Variants in GCKR observed in about 807,000 individuals in gnomAD.
GCKR encodes the protein glucokinase regulatory protein.
GCKR carries 73 observed loss-of-function variants against 82.9 expected under a neutral mutation model. That is an observed-to-expected ratio of 0.88 (90% CI 0.73 to 1.07). The LOEUF (loss-of-function observed/expected upper bound fraction) is 1.07, where lower values mean the gene tolerates loss of function less well. Ranked by LOEUF, GCKR falls within the 50% of genes least tolerant of loss-of-function variation. The pLI, the probability that GCKR is intolerant of heterozygous loss-of-function variation, is 0.00. For synonymous variants in GCKR, 294 were observed against 291.8 expected, an observed-to-expected ratio of 1.01 and a Z score of -0.08; for missense variants, 784 against 782.1, an observed-to-expected ratio of 1.00 and a Z score of -0.03.
rs758214858 is a variant in GCKR at position 27,506,832 on chromosome 2, T to C, written c.1013T>C (p.Leu338Pro). ...GTGTACCTGGTTGGCTGGCAGACCC[T>C]GGGCATCATTGCCATCATGGATGGA... Reference protein sequence around the residue: ...GHVYLVGWQTLGIIAIMDGVE... With the variant: ...GHVYLVGWQTPGIIAIMDGVE... Residue 338 changes from leucine (L) to proline (P), a missense_variant, in exon 12 of 19, where the codon CTG (leucine) becomes CCG (proline). By Grantham distance (98) the Leu-to-Pro change is moderately conservative. Coordinates refer to ENST00000264717, the MANE Select transcript of GCKR (RefSeq NM_001486.4). 3 of 1,613,724 alleles carry C rather than the reference T, an allele frequency of 1.9e-6. No homozygotes were observed. The highest frequency in any genetic ancestry group is 1.7e-6 in the Non-Finnish European group (2 of 1,179,608).
At chr2:27,516,220 A>T (rs1031136962) in intron 16 of GCKR, among the ~76,000 whole-genome samples, 13 of 141,090 alleles carry the variant, frequency 9.2e-5, no homozygotes, top group Admixed American at 7.9e-4. Flanking sequence ...CTGGTACCAT[A>T]TGTTTTAATT....
chr2:27,523,037 ACAGGTGC>A (rs1302599181), intron 18 of GCKR, among the ~76,000 whole-genome samples: 2 of 151,972 alleles, frequency 1.3e-5, no homozygotes, highest in Admixed American at 6.6e-5. Flanking sequence ...AGCTGGGATT[ACAGGTGC>A]CAGCCACCAA....
In GCKR at chr2:27,506,565, G is replaced by A. The variant is rs771457730; in HGVS notation, c.954G>A (p.Lys318=). ...GCCCCAAGATTGCCACCCTGATGAA[G>A]AGTGTCAGCACCAGGTGTGTGGATA... ...SQSPKIATLM[K]SVSTSLEKKG... is the part of the protein sequence containing the mutation. Residue 318 remains lysine (K), a synonymous_variant, in exon 11 of 19, where the codon AAG becomes AAA. Coordinates refer to ENST00000264717, the MANE Select transcript of GCKR (RefSeq NM_001486.4). 1.2e-5 allele frequency: 19 copies of A among 1,609,732 alleles called. No individual in the cohort carries two copies. In the Admixed American group the frequency reaches 1.7e-4, roughly 14 times the overall value.
rs763066740 is a variant in GCKR, at chr2:27,497,317, A to G, written c.134A>G (p.Asp45Gly). 3.7e-6 allele frequency: 6 copies of G among 1,614,058 alleles called. No individual in the cohort carries two copies. The highest frequency in any genetic ancestry group is 5.1e-6 in the Non-Finnish European group (6 of 1,180,016). The change falls in exon 2 of 19, where the codon GAT (aspartate) becomes GGT (glycine). Residue 45 changes from aspartate (D) to glycine (G), a missense_variant. Asp to Gly is a moderately conservative substitution (Grantham distance 94). Coordinates refer to ENST00000264717, the MANE Select transcript of GCKR (RefSeq NM_001486.4). Reference protein sequence around the residue: ...NPLTQDLDKADAENIVRLLGQ... With the variant: ...NPLTQDLDKAGAENIVRLLGQ... ...CTGACCCAGGATCTAGACAAAGCAG[A>G]TGCTGAGAACATTGTTCGACTGCTA...
intron 8 of GCKR, 87 bp downstream of exon 8, chr2:27,501,316 CA>C: frequency 1.2e-6 from 1 of 867,066 alleles, no homozygotes; most frequent in South Asian, 1.3e-5. Flanking sequence ...AGGGAGAGAA[CA>C]GATAGTCTTG....
chr2:27,497,012 A>G, intron 1 of GCKR, 48 bp downstream of exon 1: 1 of 1,485,446 alleles, frequency 6.7e-7, no homozygotes, highest in Non-Finnish European at 9.4e-7. Context: ...TCCTAGAATT[A>G]TTTTTCATCC....
intron 4 of GCKR, among the ~76,000 whole-genome samples, 169 bp from the exon 5 acceptor site, chr2:27,498,555 G>A (rs868416864): frequency 6.6e-6 from 1 of 152,102 alleles, no homozygotes; most frequent in East Asian, 1.9e-4. Flanking sequence ...ATGCACCACC[G>A]ACTAATCATC....
chr2:27,511,454 T>G (rs1225646910), intron 16 of GCKR, among the ~76,000 whole-genome samples: 1 of 151,716 alleles, frequency 6.6e-6, no homozygotes, highest in Non-Finnish European at 1.5e-5. Context: ...CCCAGCACTT[T>G]GGGATGCCAA....
At chr2:27,515,003 A>G (rs999715124) in intron 16 of GCKR, among the ~76,000 whole-genome samples, 14 of 152,144 alleles carry the variant, frequency 9.2e-5, no homozygotes, top group African/African-American at 2.9e-4. Context: ...TTTGAGATGG[A>G]GTCTTGCTCT....
At chr2:27,501,701 C>T (rs2148580964) in intron 8 of GCKR, 1 of 470,946 alleles carries the variant, frequency 2.1e-6, no homozygotes, top group South Asian at 1.6e-5. Flanking sequence ...CACCCCTTTC[C>T]TCCCCCGAGG....
chr2:27,512,555 A>G (rs1669915241), intron 16 of GCKR, among the ~76,000 whole-genome samples: 2 of 151,524 alleles, frequency 1.3e-5, no homozygotes, highest in Non-Finnish European at 1.5e-5. Context: ...AAAAAAGAAG[A>G]TAATTGGAGA....
intron 8 of GCKR, chr2:27,501,633 C>T (rs1669580939): frequency 2.3e-6 from 1 of 438,916 alleles, no homozygotes; most frequent in Non-Finnish European, 4.7e-6. Flanking sequence ...CAGATGGCCT[C>T]CTACTCCTCT....
rs150093633 is a variant in GCKR at position 27,523,280 on chromosome 2, C to T, written c.1719C>T (p.Ile573=). 2.5e-6 allele frequency: 4 copies of T among 1,612,494 alleles called. No individual in the cohort carries two copies. Among genetic ancestry groups the T allele is most frequent in the African/African-American group, 1.3e-5 (1 of 74,912 alleles). Residue 573 remains isoleucine (I), a synonymous_variant, in exon 19 of 19, where the codon ATC becomes ATT. Coordinates refer to ENST00000264717, the MANE Select transcript of GCKR (RefSeq NM_001486.4). ...VAHEKEQVIP[I]ALLSLLFRCS... ...CCTCTTCCCCACAGGTGATACCCAT[C>T]GCCTTGCTGAGCCTCCTATTCCGGT... is the stretch of plus-strand genomic sequence containing the variant.
Position 27,503,614 on chromosome 2 carries a change from A to G in GCKR, c.745A>G (p.Ile249Val), listed in dbSNP as rs745514922. 3 of 1,562,436 alleles carry G rather than the reference A, an allele frequency of 1.9e-6. No individual in the cohort carries two copies. Among genetic ancestry groups the G allele is most frequent in the Middle Eastern group, 1.7e-4 (1 of 5,970 alleles). ...KQKAFVLNPA[I>V]GPEGLSGSSR... Reference sequence around the variant, plus strand: ...GAAAGCTTTTGTGCTCAATCCTGCCATCGGGGTAGGGCCTCTCCTTTTTCT... The same window carrying G: ...GAAAGCTTTTGTGCTCAATCCTGCCGTCGGGGTAGGGCCTCTCCTTTTTCT... The change falls in exon 9 of 19, where the codon ATC (isoleucine) becomes GTC (valine). Residue 249 changes from isoleucine to valine, a missense_variant. Transcript: ENST00000264717.
Position 27,499,175 on chromosome 2 carries a change from T to C in GCKR, c.462T>C (p.Asp154=), listed in dbSNP as rs1225209043. The change falls in exon 6 of 19, where the codon GAT becomes GAC. Residue 154 remains aspartate, a synonymous_variant. Coordinates refer to ENST00000264717, the MANE Select transcript of GCKR (RefSeq NM_001486.4). ...TGGCCTCTAGGGAGGGGACAGAAGA[T>C]AGTGCCTTGCACGGGATTGAGGAAC... is the stretch of plus-strand genomic sequence containing the variant. ...SVVASREGTE[D]SALHGIEELK... is the part of the protein sequence containing the mutation. 1 of 1,611,968 alleles carries C rather than the reference T, an allele frequency of 6.2e-7. No homozygotes were observed. The highest frequency in any genetic ancestry group is 1.1e-5 in the South Asian group (1 of 91,020).
At chr2:27,499,788 C>A (rs921982759) in intron 7 of GCKR, among the ~76,000 whole-genome samples, 1 of 152,136 alleles carries the variant, frequency 6.6e-6, no homozygotes, top group Non-Finnish European at 1.5e-5. Context: ...GATGGAGTCT[C>A]GCTCTGTCAC....
intron 16 of GCKR, among the ~76,000 whole-genome samples, chr2:27,516,280 C>CT (rs1572873022): frequency 4.5e-5 from 4 of 88,408 alleles, no homozygotes; most frequent in African/African-American, 1.4e-4. Context: ...GTTCTTCATT[C>CT]TTGTTTTTTT....
intron 7 of GCKR, among the ~76,000 whole-genome samples, chr2:27,500,323 G>A (rs1669545420): frequency 1.3e-5 from 2 of 151,756 alleles, no homozygotes; most frequent in African/African-American, 4.8e-5. Context: ...GATGCTCACC[G>A]ACATGAGGAA....
rs540947435 is a variant in GCKR, at chr2:27,502,960, T to C, written c.645-554T>C. 2.0e-5 allele frequency among the ~76,000 whole-genome samples: 3 copies of C among 152,378 alleles called. No homozygotes were observed. The South Asian group carries it at 6.2e-4, about 32-fold the overall frequency. Reference sequence around the variant, plus strand: ...ACAAGTCTGTAGCTCTCTTGCCTCATGAACACATTTATTTGTTCCCAATTA... The same window carrying C: ...ACAAGTCTGTAGCTCTCTTGCCTCACGAACACATTTATTTGTTCCCAATTA... On this transcript the variant is annotated intron_variant, in intron 8 of 18. Transcript: ENST00000264717.
Sources: allele counts gnomAD v4.1 joint callset (sites outside exome capture counted in the v4.1 genomes callset), GRCh38; gene constraint gnomAD v4.1.1; transcripts MANE v1.5; gene names NCBI Gene and HGNC (gene_info 2026-07-23, HGNC 2026-07-21).